SMIM36: variants seen among roughly 807,000 people sequenced by gnomAD.
SMIM36 encodes the protein small integral membrane protein 36.
At chr17:55,476,346 A>T (rs1037152955) in intron 3 of SMIM36, among the ~76,000 whole-genome samples, 10 of 150,190 alleles carry the variant, frequency 6.7e-5, no homozygotes, top group African/African-American at 2.0e-4. Context: ...AAGAGGAAAA[A>T]CCCCCTTTAA....
the SMIM36 span, among the ~76,000 whole-genome samples, chr17:55,521,309 T>C: frequency 6.6e-6 from 1 of 152,202 alleles, no homozygotes; most frequent in African/African-American, 2.4e-5. Flanking sequence ...TTGAAAGTAT[T>C]GACAAGAACC....
Position 55,460,457 on chromosome 17 carries a change from A to C in SMIM36, c.*531+6688T>G, listed in dbSNP as rs549413928. Among the ~76,000 whole-genome samples, 46 of 151,820 alleles carry C rather than the reference A, an allele frequency of 3.0e-4. 1 individual carries two copies. In the East Asian group the frequency reaches 4.6e-3, roughly 15 times the overall value. Reference sequence around the variant, plus strand: ...ACAAAAAACAAAAAACAAAACAAAAAAAAAGAACAACAACAACAAAAAAGC... The same window carrying C: ...ACAAAAAACAAAAAACAAAACAAAACAAAAGAACAACAACAACAAAAAAGC... On this transcript the variant is annotated intron_variant, in intron 4 of 4. Coordinates refer to ENST00000636752, the Ensembl canonical transcript of SMIM36.
intron 4 of SMIM36, among the ~76,000 whole-genome samples, chr17:55,451,615 C>T (rs527956300): frequency 1.3e-5 from 2 of 152,292 alleles, no homozygotes; most frequent in African/African-American, 4.8e-5. Flanking sequence ...AAGATACACC[C>T]TCTTTGTACC....
intron 1 of SMIM36, among the ~76,000 whole-genome samples, chr17:55,483,566 A>G (rs1289997889): frequency 6.6e-6 from 1 of 152,184 alleles, no homozygotes; most frequent in Non-Finnish European, 1.5e-5. Flanking sequence ...TTCGGACTTG[A>G]GCTGCAACAG....
Position 55,465,767 on chromosome 17 carries a change from T to C in SMIM36, c.*531+1378A>G, listed in dbSNP as rs570930627. Among the ~76,000 whole-genome samples, 4 of 152,244 alleles carry C rather than the reference T, an allele frequency of 2.6e-5. No homozygotes were observed. The East Asian group carries it at 7.7e-4, about 29-fold the overall frequency. ...GAGTTCTGCACTGGCCAAGTGAGTT[T>C]GGGCTATTAGGGGTTCCCAAACTTG... On this transcript the variant is annotated intron_variant, in intron 4 of 4. Transcript: ENST00000636752.
chr17:55,515,346 C>G (rs1377937772), upstream of SMIM36, among the ~76,000 whole-genome samples: 1 of 152,094 alleles, frequency 6.6e-6, no homozygotes, highest in Admixed American at 6.5e-5. Context: ...GGGAGCCTCA[C>G]CTGGCAGCCT....
At chr17:55,475,722 C>G (rs1357926762) in intron 3 of SMIM36, among the ~76,000 whole-genome samples, 1 of 152,202 alleles carries the variant, frequency 6.6e-6, no homozygotes, top group African/African-American at 2.4e-5. Context: ...AATTGGATGT[C>G]CTGGGTCCTC....
intron 1 of SMIM36, among the ~76,000 whole-genome samples, chr17:55,508,459 T>TATATATATATATATATAC (rs1393622728): frequency 7.3e-6 from 1 of 137,110 alleles, no homozygotes; most frequent in African/African-American, 3.0e-5. Flanking sequence ...TATATATATA[T>TATATATATATATATATAC]ATATATATAT....
chr17:55,529,641 G>C, the SMIM36 span, among the ~76,000 whole-genome samples: 30 of 126,430 alleles, frequency 2.4e-4, no homozygotes, highest in Admixed American at 3.7e-4. Flanking sequence ...CACACACACA[G>C]AGTATCCAGA....
chr17:55,516,163 GA>G (rs55634053), upstream of SMIM36, among the ~76,000 whole-genome samples: 1 of 152,008 alleles, frequency 6.6e-6, no homozygotes, highest in African/African-American at 2.4e-5. Context: ...AGAAGACACA[GA>G]AAAAAATATA....
intron 1 of SMIM36, among the ~76,000 whole-genome samples, chr17:55,483,096 G>A (rs1909546370): frequency 6.6e-6 from 1 of 152,196 alleles, no homozygotes; most frequent in Non-Finnish European, 1.5e-5. Context: ...AAGATTCTGA[G>A]GCTCATTGAA....
chr17:55,528,706 C>T, the SMIM36 span, among the ~76,000 whole-genome samples: 1 of 151,938 alleles, frequency 6.6e-6, no homozygotes, highest in Non-Finnish European at 1.5e-5. Flanking sequence ...CCTCCCACCA[C>T]ACCTGGCTAA....
the SMIM36 span, among the ~76,000 whole-genome samples, chr17:55,520,697 C>G: frequency 6.6e-6 from 1 of 152,196 alleles, no homozygotes; most frequent in East Asian, 1.9e-4. Context: ...TGAAAACTTA[C>G]GAATAGTTTA....
intron 1 of SMIM36, among the ~76,000 whole-genome samples, chr17:55,491,498 T>C (rs1340351473): frequency 2.6e-5 from 4 of 152,206 alleles, no homozygotes; most frequent in Non-Finnish European, 5.9e-5. Flanking sequence ...TTCTTTTTAC[T>C]GGAACCCTGA....
chr17:55,480,411 A>C (rs1480400882), intron 1 of SMIM36, among the ~76,000 whole-genome samples: 1 of 152,160 alleles, frequency 6.6e-6, no homozygotes, highest in Non-Finnish European at 1.5e-5. Flanking sequence ...GTGTCTAAGG[A>C]TGAAAACCTC....
At chr17:55,487,325 C>T (rs11653313) in intron 1 of SMIM36, among the ~76,000 whole-genome samples, 4,019 of 152,232 alleles carry the variant, frequency 0.026, 194 homozygotes, top group African/African-American at 0.091. Flanking sequence ...ACGTTGTGCA[C>T]ATGTACCCTA....
intron 3 of SMIM36, among the ~76,000 whole-genome samples, chr17:55,469,788 G>A (rs12452581): frequency 0.19 from 28,272 of 152,072 alleles, 3,563 homozygotes; most frequent in Non-Finnish European, 0.28. Flanking sequence ...GACAAGCCTG[G>A]CCAAGATGGT....
the SMIM36 span, among the ~76,000 whole-genome samples, chr17:55,530,439 A>G: frequency 6.6e-6 from 1 of 152,172 alleles, no homozygotes; most frequent in African/African-American, 2.4e-5. Flanking sequence ...CTGGGATGGG[A>G]ATCTAAGAGA....
At chr17:55,497,653 G>A (rs1909832913) in intron 1 of SMIM36, among the ~76,000 whole-genome samples, 1 of 152,042 alleles carries the variant, frequency 6.6e-6, no homozygotes, top group Non-Finnish European at 1.5e-5. Flanking sequence ...TTGAACCCAG[G>A]AGTTCAAGAC....
Sources: allele counts gnomAD v4.1 joint callset (sites outside exome capture counted in the v4.1 genomes callset), GRCh38; gene constraint gnomAD v4.1.1; transcripts MANE v1.5; gene names NCBI Gene and HGNC (gene_info 2026-07-23, HGNC 2026-07-21).